The following NLGN4X variants were observed in gnomAD, a reference collection of about 807,000 sequenced individuals.
NLGN4X encodes neuroligin 4 X-linked.
NLGN4X carries 3 observed loss-of-function variants against 40.3 expected under a neutral mutation model. The observed-to-expected ratio is 0.07, with a 90% CI of 0.03 to 0.19. The LOEUF is 0.19. NLGN4X is among the 10% of genes least tolerant of loss of function. NLGN4X has a pLI of 1.00. For missense variants in NLGN4X, 382 were observed against 708.3 expected, an observed-to-expected ratio of 0.54 and a Z score of 5.23; for synonymous variants, 270 against 306.8, an observed-to-expected ratio of 0.88 and a Z score of 1.25.
chrX:6,103,474 T>G (rs144125952), intron 2 of NLGN4X, among the ~76,000 whole-genome samples: 2 of 112,095 alleles, frequency 1.8e-5, no homozygotes, highest in African/African-American at 6.5e-5. Flanking sequence ...AGGGATGAGA[T>G]GGAAATCACA....
intron 1 of NLGN4X, among the ~76,000 whole-genome samples, chrX:6,158,148 C>T (rs1484179902): frequency 9.0e-6 from 1 of 111,576 alleles, no homozygotes. Context: ...TCTCTCTCAC[C>T]GAACTCAAAG....
chrX:6,039,990 T>C (rs937998012), intron 2 of NLGN4X, among the ~76,000 whole-genome samples: 10 of 111,878 alleles, frequency 8.9e-5, no homozygotes, highest in Non-Finnish European at 1.7e-4. Flanking sequence ...CAGGCTGGAG[T>C]GCAGTCACAC....
At chrX:6,120,377 G>A (rs1017136637) in intron 2 of NLGN4X, among the ~76,000 whole-genome samples, 20 of 111,844 alleles carry the variant, frequency 1.8e-4, no homozygotes, top group African/African-American at 6.2e-4. Context: ...TTGAATTAAA[G>A]AACTGTAGAA....
At chrX:5,905,826 C>T (rs1000088613) in intron 4 of NLGN4X, among the ~76,000 whole-genome samples, 3 of 111,744 alleles carry the variant, frequency 2.7e-5, no homozygotes, top group Admixed American at 9.5e-5. Context: ...ACAACAGATG[C>T]GTCTCTTTTT....
At chrX:5,938,966 CGT>C (rs60927853) in intron 3 of NLGN4X, among the ~76,000 whole-genome samples, 1,443 of 101,151 alleles carry the variant, frequency 0.014, 13 homozygotes, top group East Asian at 0.044. Flanking sequence ...TGTGTGTGTG[CGT>C]GTGTGTGTGT....
chrX:6,075,490 G>C (rs1469775278), intron 2 of NLGN4X, among the ~76,000 whole-genome samples: 1 of 111,829 alleles, frequency 8.9e-6, no homozygotes, highest in Non-Finnish European at 1.9e-5. Flanking sequence ...CACCTAAGGA[G>C]ACAGAGTGCT....
At chrX:6,217,915 T>C (rs1300996709) in intron 1 of NLGN4X, among the ~76,000 whole-genome samples, 1 of 111,812 alleles carries the variant, frequency 8.9e-6, no homozygotes, top group African/African-American at 3.2e-5. Flanking sequence ...GAAACCCAAA[T>C]GTAAGGGTTT....
chrX:6,192,277 A>C (rs1922610794), intron 1 of NLGN4X, among the ~76,000 whole-genome samples: 1 of 110,581 alleles, frequency 9.0e-6, no homozygotes, highest in South Asian at 3.9e-4. Flanking sequence ...ACAGGTGTGC[A>C]TCACCATGTC....
At chrX:5,917,272 G>A (rs371681904) in intron 3 of NLGN4X, among the ~76,000 whole-genome samples, 12 of 112,452 alleles carry the variant, frequency 1.1e-4, no homozygotes, top group South Asian at 7.4e-4. Context: ...GTCAGTCTCT[G>A]CATCTTCCGC....
intron 5 of NLGN4X, among the ~76,000 whole-genome samples, chrX:5,899,528 A>T (rs186296365): frequency 1.8e-5 from 2 of 111,620 alleles, no homozygotes; most frequent in East Asian, 5.7e-4. Context: ...GATTCATGGC[A>T]TTAAAAGCAC....
intron 1 of NLGN4X, among the ~76,000 whole-genome samples, chrX:6,175,785 C>A (rs1221335544): frequency 9.1e-6 from 1 of 109,704 alleles, no homozygotes; most frequent in Non-Finnish European, 1.9e-5. Context: ...ATCTCCTCAA[C>A]AGAATTCCTC....
At chrX:6,051,290 C>G (rs911987044) in intron 2 of NLGN4X, among the ~76,000 whole-genome samples, 1 of 111,693 alleles carries the variant, frequency 9.0e-6, no homozygotes, top group East Asian at 2.8e-4. Context: ...AGTTAACTGA[C>G]TAAGCCTAGA....
chrX:6,098,449 T>C (rs1439108692), intron 2 of NLGN4X, among the ~76,000 whole-genome samples: 1 of 111,914 alleles, frequency 8.9e-6, no homozygotes, highest in Non-Finnish European at 1.9e-5. Context: ...GCAGAAACCA[T>C]TGTCTTAGTT....
At chrX:6,167,286 G>A (rs922763086) in intron 1 of NLGN4X, among the ~76,000 whole-genome samples, 2 of 110,338 alleles carry the variant, frequency 1.8e-5, no homozygotes, top group Non-Finnish European at 3.8e-5. Context: ...AAACTCTAGC[G>A]CTTCTCTCAT....
intron 3 of NLGN4X, among the ~76,000 whole-genome samples, chrX:6,009,143 G>A (rs1351860820): frequency 8.9e-6 from 1 of 111,781 alleles, no homozygotes; most frequent in Non-Finnish European, 1.9e-5. Context: ...TCAATGGATA[G>A]TTGGCTAGTT....
At chrX:6,025,820 C>T (rs1192477252) in intron 3 of NLGN4X, among the ~76,000 whole-genome samples, 1 of 107,615 alleles carries the variant, frequency 9.3e-6, no homozygotes. Context: ...AGGAGAAGCG[C>T]TTGGACCCGG....
chrX:6,012,160 G>C (rs2036270043), intron 3 of NLGN4X, among the ~76,000 whole-genome samples: 1 of 112,138 alleles, frequency 8.9e-6, no homozygotes, highest in African/African-American at 3.2e-5. Flanking sequence ...GAATATCCAA[G>C]GTAAAAGGTT....
intron 3 of NLGN4X, among the ~76,000 whole-genome samples, chrX:6,005,409 G>T (rs1031763473): frequency 8.1e-5 from 9 of 111,487 alleles, no homozygotes; most frequent in Non-Finnish European, 1.5e-4. Flanking sequence ...TCTGAGATGG[G>T]GATGTGTCTC....
intron 2 of NLGN4X, among the ~76,000 whole-genome samples, chrX:6,048,402 G>A (rs2037382853): frequency 9.0e-6 from 1 of 111,727 alleles, no homozygotes; most frequent in Non-Finnish European, 1.9e-5. Context: ...TTCAAGTTAA[G>A]AATGGGGAAG....
Sources: gnomAD v4.1 joint callset for allele counts (sites outside exome capture counted in the v4.1 genomes callset) on GRCh38, gnomAD v4.1.1 for gene constraint, MANE v1.5 for transcripts, NCBI Gene and HGNC (gene_info 2026-07-23, HGNC 2026-07-21) for gene names.